The following DOCK1 variants were observed in gnomAD, a reference collection of about 807,000 sequenced individuals.
DOCK1 encodes the protein dedicator of cytokinesis protein 1.
In DOCK1, 138 loss-of-function variants were observed where a neutral mutation model predicts 262.7. The observed-to-expected ratio is 0.53, with a 90% CI of 0.46 to 0.61. The LOEUF (loss-of-function observed/expected upper bound fraction) is 0.61. DOCK1 is among the 20% of genes least tolerant of loss of function. The pLI, the probability that DOCK1 is intolerant of heterozygous loss-of-function variation, is 0.00. For missense variants in DOCK1, 1,908 were observed against 2,370.7 expected (o/e 0.80, Z 4.05); for synonymous variants, 866 against 867.4 (o/e 1.00, Z 0.03).
intron 46 of DOCK1, among the ~76,000 whole-genome samples, chr10:127,421,543 T>G (rs2068511037): frequency 1.3e-5 from 2 of 152,210 alleles, no homozygotes; most frequent in African/African-American, 4.8e-5. Context: ...CACACTGTTG[T>G]ACAACCAGCA....
At chr10:127,145,666 A>T (rs1298054489) in intron 27 of DOCK1, among the ~76,000 whole-genome samples, 3 of 152,142 alleles carry the variant, frequency 2.0e-5, no homozygotes, top group African/African-American at 7.2e-5. Context: ...GTCTAGAGAC[A>T]TGGGTGACGT....
chr10:127,265,753 G>A (rs2135115813), intron 29 of DOCK1, among the ~76,000 whole-genome samples: 1 of 152,314 alleles, frequency 6.6e-6, no homozygotes, highest in East Asian at 1.9e-4. Context: ...TCTACCAGAT[G>A]TATCAGAGTC....
At chr10:127,415,881 G>A (rs753329659) in intron 44 of DOCK1, among the ~76,000 whole-genome samples, 1 of 150,518 alleles carries the variant, frequency 6.6e-6, no homozygotes, top group South Asian at 2.1e-4. Context: ...CAGGGCCAAG[G>A]CAACTGGCAA....
At chr10:127,027,757 G>T (rs1184670670) in intron 16 of DOCK1, among the ~76,000 whole-genome samples, 1 of 152,116 alleles carries the variant, frequency 6.6e-6, no homozygotes, top group Non-Finnish European at 1.5e-5. Flanking sequence ...TATTTCTGGG[G>T]CCTGGCCTGC....
chr10:127,036,048 AAG>A (rs2043591869), intron 18 of DOCK1, among the ~76,000 whole-genome samples: 1 of 152,000 alleles, frequency 6.6e-6, no homozygotes, highest in Non-Finnish European at 1.5e-5. Context: ...ATAAATAAAA[AAG>A]AGTAGAGTGC....
chr10:126,990,439 G>A lies in DOCK1; in HGVS notation c.325-16G>A, dbSNP rs948282749. 2.5e-6 allele frequency: 4 copies of A among 1,591,862 alleles called. No individual in the cohort carries two copies. Among genetic ancestry groups the A allele is most frequent in the Non-Finnish European group, 2.6e-6 (3 of 1,167,904 alleles). Reference sequence around the variant, plus strand: ...TTTATAACAAAATCTTTCTGATTGGGTTTTTCCCCGTATAGCAAGATAACA... The same window carrying A: ...TTTATAACAAAATCTTTCTGATTGGATTTTTCCCCGTATAGCAAGATAACA... On this transcript the variant is annotated splice_polypyrimidine_tract_variant and intron_variant, in intron 5 of 51. Coordinates refer to ENST00000623213, the MANE Select transcript of DOCK1 (RefSeq NM_001290223.2).
intron 27 of DOCK1, among the ~76,000 whole-genome samples, chr10:127,186,763 T>G (rs528522072): frequency 1.8e-4 from 28 of 151,970 alleles, no homozygotes; most frequent in African/African-American, 6.8e-4. Context: ...TCCATTGAGA[T>G]GAACGTGGAG....
At chr10:127,035,921 G>C (rs1434187363) in intron 18 of DOCK1, among the ~76,000 whole-genome samples, 1 of 151,928 alleles carries the variant, frequency 6.6e-6, no homozygotes. Context: ...AGGATTGCTT[G>C]AGCCTGGGAG....
chr10:127,044,765 G>A (rs552540645), intron 21 of DOCK1, among the ~76,000 whole-genome samples: 2 of 152,296 alleles, frequency 1.3e-5, no homozygotes, highest in African/African-American at 4.8e-5. Context: ...GCCTTTCCAT[G>A]CTGTGCTGTT....
At chr10:126,961,036 A>T (rs2037177356) in intron 1 of DOCK1, among the ~76,000 whole-genome samples, 1 of 152,080 alleles carries the variant, frequency 6.6e-6, no homozygotes, top group African/African-American at 2.4e-5. Flanking sequence ...TCTTATCTTC[A>T]CCATCCCTCC....
chr10:127,398,793 A>G (rs1322185335), intron 38 of DOCK1, among the ~76,000 whole-genome samples: 1 of 152,132 alleles, frequency 6.6e-6, no homozygotes, highest in Non-Finnish European at 1.5e-5. Flanking sequence ...TTAGAAAGGG[A>G]TGGCTGTCCC....
chr10:126,951,294 T>C lies in DOCK1; in HGVS notation c.47-19408T>C, dbSNP rs946305412. ...GTAGTATTGTTGGTAGTATTGGTAG[T>C]GTTAGTAGTGGTAGTATTGTTGGTA... On this transcript the variant is annotated intron_variant, in intron 1 of 51. Coordinates refer to ENST00000623213, the MANE Select transcript of DOCK1 (RefSeq NM_001290223.2). Among the ~76,000 whole-genome samples the C allele has an allele frequency of 2.5e-4, 38 of 151,714 alleles. 1 individual carries two copies. The South Asian group carries it at 6.5e-3, about 26-fold the overall frequency.
At chr10:127,034,948 C>T (rs970928700) in intron 18 of DOCK1, among the ~76,000 whole-genome samples, 1 of 152,194 alleles carries the variant, frequency 6.6e-6, no homozygotes, top group Non-Finnish European at 1.5e-5. Context: ...CCTTAAGTCT[C>T]ACCAGCTGCA....
At chr10:127,027,855 A>C (rs923638607) in intron 16 of DOCK1, among the ~76,000 whole-genome samples, 1 of 151,812 alleles carries the variant, frequency 6.6e-6, no homozygotes, top group African/African-American at 2.4e-5. Context: ...CACGGTCATG[A>C]TGTTATGGTG....
At chr10:126,935,010 T>C (rs1233582926) in intron 1 of DOCK1, among the ~76,000 whole-genome samples, 1 of 152,148 alleles carries the variant, frequency 6.6e-6, no homozygotes, top group Non-Finnish European at 1.5e-5. Flanking sequence ...CTCAGGAGGC[T>C]GAGGCAGGAG....
At chr10:127,022,581 A>G (rs2042515103) in intron 13 of DOCK1, among the ~76,000 whole-genome samples, 1 of 151,900 alleles carries the variant, frequency 6.6e-6, no homozygotes, top group South Asian at 2.1e-4. Context: ...TTTTTAGTAG[A>G]GATGAGGGTT....
chr10:127,384,879 G>A lies in DOCK1; in HGVS notation c.3897G>A (p.Gln1299=), dbSNP rs780031433. ...TQGQLKEQLY[Q]EIIHYFDKGK... ...GACAGCTGAAGGAGCAGCTCTACCA[G>A]GAAATCATCCACTACTTCGACAAAG... Residue 1299 remains glutamine (Q), a synonymous_variant, in exon 38 of 52, where the codon CAG becomes CAA. Transcript: ENST00000623213. The A allele has an allele frequency of 6.2e-7, 1 of 1,604,502 alleles. No individual in the cohort carries two copies. Among genetic ancestry groups the A allele is most frequent in the Admixed American group, 1.8e-5 (1 of 57,116 alleles).
intron 46 of DOCK1, among the ~76,000 whole-genome samples, chr10:127,421,673 C>G (rs1322196552): frequency 2.0e-5 from 3 of 152,132 alleles, no homozygotes; most frequent in Non-Finnish European, 4.4e-5. Context: ...TACTTTGTGT[C>G]TCTATGAATT....
intron 47 of DOCK1, among the ~76,000 whole-genome samples, chr10:127,429,949 C>T (rs573293652): frequency 2.0e-5 from 3 of 152,218 alleles, no homozygotes; most frequent in African/African-American, 7.2e-5. Context: ...TCTTCAAGTC[C>T]GATTAGGAGC....
Sources: allele counts gnomAD v4.1 joint callset (sites outside exome capture counted in the v4.1 genomes callset), GRCh38; gene constraint gnomAD v4.1.1; transcripts MANE v1.5; gene names NCBI Gene and HGNC (gene_info 2026-07-23, HGNC 2026-07-21).